Variants in VTI1A observed in about 807,000 individuals in gnomAD.
The protein encoded by VTI1A is vesicle transport through interaction with t-SNAREs homolog 1A.
In VTI1A, 22 loss-of-function variants were observed where a neutral mutation model predicts 34.9. The ratio of observed to expected loss-of-function variants is 0.63; its 90% CI spans 0.45 to 0.90. VTI1A has a LOEUF of 0.90. VTI1A is among the 40% of genes least tolerant of loss of function. The pLI, the probability that VTI1A is intolerant of heterozygous loss-of-function variation, is 0.00. For missense variants in VTI1A, 268 were observed against 275.6 expected (o/e 0.97, Z 0.20); for synonymous variants, 87 against 97.3 (o/e 0.89, Z 0.62).
At chr10:112,500,470 A>G (rs1020463204) in intron 3 of VTI1A, among the ~76,000 whole-genome samples, 3 of 152,094 alleles carry the variant, frequency 2.0e-5, no homozygotes, top group African/African-American at 7.2e-5. Context: ...AAAAAAAAAG[A>G]AAATTGTTGC....
chr10:112,736,540 C>T (rs1423386781), intron 7 of VTI1A, among the ~76,000 whole-genome samples: 1 of 152,030 alleles, frequency 6.6e-6, no homozygotes, highest in African/African-American at 2.4e-5. Context: ...TTGGGACAAG[C>T]GCAGAGTTAA....
chr10:112,623,308 G>T (rs1431009494), intron 5 of VTI1A, among the ~76,000 whole-genome samples: 2 of 152,148 alleles, frequency 1.3e-5, no homozygotes, highest in Non-Finnish European at 2.9e-5. Flanking sequence ...ACAGGCTAGA[G>T]GCTTTTAAGA....
chr10:112,589,318 C>A (rs73367043), intron 5 of VTI1A, among the ~76,000 whole-genome samples: 3,153 of 152,194 alleles, frequency 0.021, 121 homozygotes, highest in African/African-American at 0.072. Context: ...AATTAAGTCG[C>A]ATGAGATCTG....
rs561258489 is a variant in VTI1A at position 112,679,289 on chromosome 10, G to A, written c.560+10291G>A. On this transcript the variant is annotated intron_variant, in intron 7 of 7. Coordinates refer to ENST00000393077, the MANE Select transcript of VTI1A (RefSeq NM_145206.4). Reference sequence around the variant, plus strand: ...TATATCTTGAGAATTTGTCATCTAGGTATTAAGAAAGAATTCTTTTCTTTT... The same window carrying A: ...TATATCTTGAGAATTTGTCATCTAGATATTAAGAAAGAATTCTTTTCTTTT... Among the ~76,000 whole-genome samples, 11 of 152,198 alleles carry A rather than the reference G, an allele frequency of 7.2e-5. 1 individual carries two copies. In the South Asian group the frequency reaches 2.1e-3, roughly 29 times the overall value.
intron 5 of VTI1A, among the ~76,000 whole-genome samples, chr10:112,560,843 C>T (rs1851701862): frequency 6.6e-6 from 1 of 152,006 alleles, no homozygotes; most frequent in African/African-American, 2.4e-5. Flanking sequence ...GTGATCCACC[C>T]ACCTCGGCCT....
chr10:112,833,568 T>C, the VTI1A span, among the ~76,000 whole-genome samples: 3 of 152,200 alleles, frequency 2.0e-5, no homozygotes, highest in African/African-American at 7.2e-5. Flanking sequence ...AGATTAATGA[T>C]ACTCTATGAT....
rs562941291 is a variant in VTI1A at position 112,646,711 on chromosome 10, A to C, written c.428-21507A>C. ...TTTTTAGTAGAAACGGGGTTTCACC[A>C]TGTTAGCCAGGCTGATCTCGAACTC... On this transcript the variant is annotated intron_variant, in intron 5 of 7. Transcript: ENST00000393077. Among the ~76,000 whole-genome samples, 348 of 152,222 alleles carry C rather than the reference A, an allele frequency of 2.3e-3. 5 individuals are homozygous for C. The highest frequency in any genetic ancestry group is 8.2e-3 in the African/African-American group (340 of 41,538).
At chr10:112,738,888 T>C (rs1409714038) in intron 7 of VTI1A, among the ~76,000 whole-genome samples, 2 of 152,334 alleles carry the variant, frequency 1.3e-5, no homozygotes, top group East Asian at 1.9e-4. Context: ...CTGAATCTTA[T>C]GGAATTCAGC....
At chr10:112,552,264 C>T (rs1179063550) in intron 5 of VTI1A, among the ~76,000 whole-genome samples, 1 of 152,174 alleles carries the variant, frequency 6.6e-6, no homozygotes, top group Non-Finnish European at 1.5e-5. Flanking sequence ...TCCCCAAATG[C>T]CATCTACTTT....
At chr10:112,694,729 G>A (rs1436765207) in intron 7 of VTI1A, among the ~76,000 whole-genome samples, 1 of 152,154 alleles carries the variant, frequency 6.6e-6, no homozygotes, top group Non-Finnish European at 1.5e-5. Flanking sequence ...AGCACTTTGG[G>A]AGGCGGAGGC....
At chr10:112,512,720 A>G (rs1480270295) in intron 3 of VTI1A, among the ~76,000 whole-genome samples, 1 of 152,060 alleles carries the variant, frequency 6.6e-6, no homozygotes, top group Non-Finnish European at 1.5e-5. Context: ...TTCGTTTTGT[A>G]TATGGTGAGA....
chr10:112,639,404 A>G (rs527806395), intron 5 of VTI1A, among the ~76,000 whole-genome samples: 2 of 152,296 alleles, frequency 1.3e-5, no homozygotes, highest in African/African-American at 4.8e-5. Flanking sequence ...TTATTCTATA[A>G]CAGTGACATT....
At chr10:112,473,169 CATG>C (rs1848159645) in intron 3 of VTI1A, among the ~76,000 whole-genome samples, 1 of 148,642 alleles carries the variant, frequency 6.7e-6, no homozygotes, top group Non-Finnish European at 1.5e-5. Context: ...AGTGCAGTGG[CATG>C]ATCTCAGCTC....
At chr10:112,645,494 C>T (rs895366455) in intron 5 of VTI1A, among the ~76,000 whole-genome samples, 1 of 152,114 alleles carries the variant, frequency 6.6e-6, no homozygotes, top group Non-Finnish European at 1.5e-5. Flanking sequence ...GGAGCCATGC[C>T]CCAGGGCCAT....
chr10:112,500,768 T>A (rs775766756), intron 3 of VTI1A, among the ~76,000 whole-genome samples: 43 of 152,198 alleles, frequency 2.8e-4, no homozygotes, highest in Non-Finnish European at 4.7e-4. Flanking sequence ...CGTTTTCTCT[T>A]ACAATTCTTT....
At chr10:112,526,951 G>C in intron 3 of VTI1A, 136 bp from the exon 4 acceptor site, 3 of 657,810 alleles carry the variant, frequency 4.6e-6, no homozygotes. Context: ...ACACAACTTT[G>C]GTGTGCAGAT....
At chr10:112,731,210 G>A (rs921609256) in intron 7 of VTI1A, among the ~76,000 whole-genome samples, 8 of 152,072 alleles carry the variant, frequency 5.3e-5, no homozygotes, top group Non-Finnish European at 1.2e-4. Context: ...TACATTTTGG[G>A]AAAAACTGAA....
At chr10:112,604,694 A>C (rs1464719950) in intron 5 of VTI1A, among the ~76,000 whole-genome samples, 2 of 152,260 alleles carry the variant, frequency 1.3e-5, no homozygotes, top group African/African-American at 4.8e-5. Context: ...CAAAGGAATA[A>C]ATGAGGAGAA....
chr10:112,593,469 G>A (rs777241497), intron 5 of VTI1A, among the ~76,000 whole-genome samples: 3 of 152,324 alleles, frequency 2.0e-5, no homozygotes, highest in African/African-American at 4.8e-5. Flanking sequence ...TAGTTCTGAC[G>A]AAAAGCCAGC....
Sources: allele counts gnomAD v4.1 joint callset (sites outside exome capture counted in the v4.1 genomes callset), GRCh38; gene constraint gnomAD v4.1.1; transcripts MANE v1.5; gene names NCBI Gene and HGNC (gene_info 2026-07-23, HGNC 2026-07-21).